The following MAF variants were observed in gnomAD, a reference collection of about 807,000 sequenced individuals.
MAF encodes MAF bZIP transcription factor, also known as transcription factor Maf.
A neutral mutation model predicts 22.0 loss-of-function variants in MAF; 10 were observed. That is an observed-to-expected ratio of 0.45 (90% CI 0.28 to 0.77). The LOEUF (loss-of-function observed/expected upper bound fraction) is 0.77. Among genes scored for constraint, MAF ranks in the 30% least tolerant of loss-of-function variants. The pLI, the probability that MAF is intolerant of heterozygous loss-of-function variation, is 0.12. For missense variants in MAF, 544 were observed against 548.4 expected, an observed-to-expected ratio of 0.99 and a Z score of 0.08; for synonymous variants, 337 against 255.8, an observed-to-expected ratio of 1.32 and a Z score of -3.03.
the MAF span, among the ~76,000 whole-genome samples, chr16:79,311,546 C>A: frequency 6.6e-6 from 1 of 151,094 alleles, no homozygotes; most frequent in Non-Finnish European, 1.5e-5. Context: ...GCTTTCACTG[C>A]AGGCTTTGGA....
the MAF span, among the ~76,000 whole-genome samples, chr16:79,335,872 G>A: frequency 1.3e-5 from 2 of 152,178 alleles, no homozygotes; most frequent in Admixed American, 6.5e-5. Flanking sequence ...GAGACAGCCC[G>A]GTGAGGTTGG....
At chr16:79,239,498 C>T in the MAF span, among the ~76,000 whole-genome samples, 1 of 152,056 alleles carries the variant, frequency 6.6e-6, no homozygotes, top group Non-Finnish European at 1.5e-5. Flanking sequence ...ATAGGGTTCT[C>T]ACTCACACTG....
the MAF span, among the ~76,000 whole-genome samples, chr16:79,304,293 A>G: frequency 6.6e-6 from 1 of 152,174 alleles, no homozygotes; most frequent in Non-Finnish European, 1.5e-5. Flanking sequence ...CAGCCCCTCC[A>G]GTGAGAAATG....
the MAF span, among the ~76,000 whole-genome samples, chr16:79,372,769 G>C: frequency 6.6e-6 from 1 of 152,116 alleles, no homozygotes; most frequent in South Asian, 2.1e-4. Flanking sequence ...AGCCTGTCTG[G>C]TTCAGCTCCA....
At chr16:79,587,720 G>A (rs1257613672) in intron 1 of MAF, among the ~76,000 whole-genome samples, 1 of 152,046 alleles carries the variant, frequency 6.6e-6, no homozygotes, top group East Asian at 1.9e-4. Context: ...AAAAAAACAG[G>A]CCTCATTAAA....
the MAF span, among the ~76,000 whole-genome samples, chr16:79,408,078 CAAAAAAAAAAAA>C: frequency 0.01 from 853 of 81,580 alleles, 8 homozygotes; most frequent in Middle Eastern, 0.044. Flanking sequence ...TTTTACCTTT[CAAAAAAAAAAAA>C]AAAAAAAAAA....
At chr16:79,590,403 G>C (rs1053611373), downstream of MAF, among the ~76,000 whole-genome samples, 4 of 152,204 alleles carry the variant, frequency 2.6e-5, no homozygotes, top group Non-Finnish European at 5.9e-5. Context: ...AGCGCTGTCT[G>C]TGTCTACACT....
At chr16:79,590,691 T>A (rs1279396833), downstream of MAF, among the ~76,000 whole-genome samples, 4 of 151,962 alleles carry the variant, frequency 2.6e-5, no homozygotes, top group Admixed American at 6.6e-5. Flanking sequence ...CAGATCCTTC[T>A]TGGTGGGAGG....
the MAF span, among the ~76,000 whole-genome samples, chr16:79,299,656 C>T: frequency 1.6e-4 from 25 of 152,234 alleles, no homozygotes; most frequent in East Asian, 1.9e-4. Context: ...CTGAGACCAG[C>T]GTCCTGCACA....
At chr16:79,447,428 T>C in the MAF span, among the ~76,000 whole-genome samples, 1 of 152,044 alleles carries the variant, frequency 6.6e-6, no homozygotes, top group Non-Finnish European at 1.5e-5. Context: ...TACAAGGTGA[T>C]GGATGTTGTT....
the MAF span, among the ~76,000 whole-genome samples, chr16:79,542,520 G>C: frequency 6.6e-6 from 1 of 152,284 alleles, no homozygotes; most frequent in East Asian, 1.9e-4. Flanking sequence ...AGACATCTCT[G>C]AGGCCCTTGG....
the MAF span, among the ~76,000 whole-genome samples, chr16:79,343,708 G>C: frequency 6.6e-6 from 1 of 152,122 alleles, no homozygotes; most frequent in Non-Finnish European, 1.5e-5. Flanking sequence ...ATGTCATCTG[G>C]ATTATGTCTC....
chr16:79,597,904 G>A, intron 1 of MAF: 1 of 1,037,306 alleles, frequency 9.6e-7, no homozygotes, highest in Non-Finnish European at 1.2e-6. Context: ...TGCATGAGAT[G>A]AGAATGAGTT....
chr16:79,561,043 T>G, the MAF span, among the ~76,000 whole-genome samples: 4 of 152,202 alleles, frequency 2.6e-5, no homozygotes, highest in African/African-American at 9.7e-5. Flanking sequence ...ACTTAGATTT[T>G]TAGTCTAAGT....
the MAF span, among the ~76,000 whole-genome samples, chr16:79,524,585 T>C: frequency 6.6e-6 from 1 of 152,234 alleles, no homozygotes; most frequent in African/African-American, 2.4e-5. Context: ...ATCATTGCAC[T>C]TGGTTGCATT....
chr16:79,459,719 C>T, the MAF span, among the ~76,000 whole-genome samples: 9 of 151,982 alleles, frequency 5.9e-5, no homozygotes, highest in South Asian at 6.3e-4. Flanking sequence ...ACTACAGGTG[C>T]GCACCACCAT....
the MAF span, among the ~76,000 whole-genome samples, chr16:79,316,534 A>T: frequency 6.6e-6 from 1 of 152,130 alleles, no homozygotes; most frequent in Non-Finnish European, 1.5e-5. Context: ...CCTTCTTTGA[A>T]TTGCTAAAGC....
At chr16:79,252,419 A>G in the MAF span, among the ~76,000 whole-genome samples, 2 of 152,092 alleles carry the variant, frequency 1.3e-5, no homozygotes, top group Non-Finnish European at 2.9e-5. Context: ...ATATAACAAC[A>G]GGCTCAATGT....
chr16:79,514,293 G>A, the MAF span, among the ~76,000 whole-genome samples: 6 of 152,214 alleles, frequency 3.9e-5, no homozygotes, highest in Admixed American at 1.3e-4. Context: ...CAAATGTGTA[G>A]CAGAATTCTT....
Sources: gnomAD v4.1 joint callset for allele counts (sites outside exome capture counted in the v4.1 genomes callset) on GRCh38, gnomAD v4.1.1 for gene constraint, MANE v1.5 for transcripts, NCBI Gene and HGNC (gene_info 2026-07-23, HGNC 2026-07-21) for gene names.